Variants in ERP44 observed in about 807,000 individuals in gnomAD.
The protein encoded by ERP44 is endoplasmic reticulum protein 44.
Under a neutral mutation model 53.4 loss-of-function variants are expected in ERP44, and 25 were observed. The ratio of observed to expected loss-of-function variants is 0.47; its 90% CI spans 0.34 to 0.65. The LOEUF (loss-of-function observed/expected upper bound fraction) is 0.65. Among genes scored for constraint, ERP44 ranks in the 30% least tolerant of loss-of-function variants. The pLI is 0.01. For synonymous variants in ERP44, 145 were observed against 161.2 expected (o/e 0.90, Z 0.76); for missense variants, 338 against 493.2 (o/e 0.69, Z 2.98).
chr9:100,028,177 T>C (rs1386344180), intron 4 of ERP44, among the ~76,000 whole-genome samples: 2 of 152,328 alleles, frequency 1.3e-5, no homozygotes, highest in Middle Eastern at 3.4e-3. Flanking sequence ...TATGGGTGCA[T>C]GTGCTACCTA....
intron 1 of ERP44, among the ~76,000 whole-genome samples, chr9:100,067,325 C>A (rs1346459453): frequency 6.6e-6 from 1 of 152,188 alleles, no homozygotes; most frequent in Non-Finnish European, 1.5e-5. Context: ...CCAGTGCCTG[C>A]GACTGCAGGC....
intron 10 of ERP44, among the ~76,000 whole-genome samples, chr9:100,005,399 G>A (rs1407679831): frequency 6.6e-6 from 1 of 152,006 alleles, no homozygotes; most frequent in African/African-American, 2.4e-5. Context: ...AAAAACCCTT[G>A]GTTCTTAGCA....
intron 10 of ERP44, among the ~76,000 whole-genome samples, chr9:99,993,439 T>C (rs920066135): frequency 2.6e-5 from 4 of 152,184 alleles, no homozygotes; most frequent in Admixed American, 6.5e-5. Context: ...TAAATGGTGC[T>C]GGGAAAACTG....
chr9:99,996,895 GTGTATATATATACATATATATATATA>G (rs1391516642), intron 10 of ERP44, among the ~76,000 whole-genome samples: 1 of 19,262 alleles, frequency 5.2e-5, no homozygotes, highest in Non-Finnish European at 7.6e-5. Flanking sequence ...CATCGTGTAT[GTGTATATATATACATATATATATATA>G]TGTATATATA....
In ERP44 at chr9:100,006,664, T is replaced by G; in HGVS notation, c.875-17A>C. The G allele has an allele frequency of 6.5e-7, 1 of 1,529,292 alleles. No homozygotes were observed. Among genetic ancestry groups the G allele is most frequent in the Non-Finnish European group, 8.8e-7 (1 of 1,132,170 alleles). The allele number at this position is 1,529,292 out of a possible 1,614,324, so 94.7% of individuals were successfully genotyped here. A position where few individuals can be genotyped will look rare whatever the true frequency, so the allele number is the denominator to read the frequency against. ...TTATTGTACCTTTAAGAAAAAAGAA[T>G]TTTGAGAGGTAAATTCAAATTTTCT... On this transcript the variant is annotated splice_polypyrimidine_tract_variant and intron_variant, in intron 9 of 11. Coordinates refer to ENST00000262455, the MANE Select transcript of ERP44 (RefSeq NM_015051.3).
At chr9:99,999,428 T>C (rs1830354891) in intron 10 of ERP44, among the ~76,000 whole-genome samples, 1 of 152,250 alleles carries the variant, frequency 6.6e-6, no homozygotes, top group African/African-American at 2.4e-5. Flanking sequence ...CTAATATCTT[T>C]GATGATTAGT....
In ERP44 at chr9:100,006,571, A is replaced by G; in HGVS notation, c.951T>C (p.Asp317=). ...AGCTGTCAATAGCGATTACAGGACAATCTGCTGGAGTTTTCTGTATGTGCA... is the reference window on the plus strand; with the variant it reads ...AGCTGTCAATAGCGATTACAGGACAGTCTGCTGGAGTTTTCTGTATGTGCA... ...PLLHIQKTPA[D]CPVIAIDSFR... The change falls in exon 10 of 12, where the codon GAT becomes GAC. Residue 317 remains aspartate (D), a synonymous_variant. Coordinates refer to ENST00000262455, the MANE Select transcript of ERP44 (RefSeq NM_015051.3). 1 of 1,611,222 alleles carries G rather than the reference A, an allele frequency of 6.2e-7. No individual in the cohort carries two copies. Among genetic ancestry groups the G allele is most frequent in the South Asian group, 1.1e-5 (1 of 90,738 alleles).
Position 100,043,354 on chromosome 9 carries a change from G to A in ERP44, c.286+9063C>T, listed in dbSNP as rs149978426. The stretch of plus-strand genomic sequence containing the variant: ...GACTATAGTAGAAACTAATTTAATT[G>A]TACTTTTAAAAATAACTTAAACCGT... On this transcript the variant is annotated intron_variant, in intron 4 of 11. Coordinates refer to ENST00000262455, the MANE Select transcript of ERP44 (RefSeq NM_015051.3). 8.9e-3 allele frequency among the ~76,000 whole-genome samples: 1,215 copies of A among 136,388 alleles called. 17 individuals are homozygous for A. The highest frequency in any genetic ancestry group is 0.031 in the African/African-American group (1,156 of 37,320). 89.5% of individuals were successfully genotyped at this position (136,388 alleles called of 152,430 possible). A position where few individuals can be genotyped will look rare whatever the true frequency, so the allele number is the denominator to read the frequency against.
At chr9:100,079,143 G>C (rs1826392193) in intron 1 of ERP44, among the ~76,000 whole-genome samples, 2 of 152,142 alleles carry the variant, frequency 1.3e-5, no homozygotes, top group Non-Finnish European at 2.9e-5. Flanking sequence ...GGGAAAGGCA[G>C]ACCCACCCCT....
At chr9:100,002,418 C>T (rs1454792528) in intron 10 of ERP44, among the ~76,000 whole-genome samples, 1 of 152,110 alleles carries the variant, frequency 6.6e-6, no homozygotes, top group Non-Finnish European at 1.5e-5. Context: ...TGAAGAACTC[C>T]CTTTTAGCAT....
At chr9:100,058,265 C>G (rs1276498387) in intron 2 of ERP44, among the ~76,000 whole-genome samples, 1 of 152,084 alleles carries the variant, frequency 6.6e-6, no homozygotes, top group East Asian at 1.9e-4. Flanking sequence ...TTTGTAGAGA[C>G]AGGATCTGGT....
intron 3 of ERP44, 90 bp downstream of exon 3, chr9:100,057,729 AG>A: frequency 6.6e-6 from 6 of 915,034 alleles, no homozygotes; most frequent in Middle Eastern, 2.1e-4. Context: ...GTCTTGAAAT[AG>A]AAAAAGCCTT....
chr9:100,020,099 C>A (rs1270900290), intron 6 of ERP44, among the ~76,000 whole-genome samples: 1 of 152,174 alleles, frequency 6.6e-6, no homozygotes, highest in African/African-American at 2.4e-5. Context: ...CAAGCAGGAA[C>A]AACTGATGGA....
In ERP44 at chr9:100,022,232, A is replaced by G. The variant is rs772530487; in HGVS notation, c.287-6T>C. The G allele has an allele frequency of 6.2e-7, 1 of 1,602,984 alleles. No individual in the cohort carries two copies. The highest frequency in any genetic ancestry group is 1.1e-5 in the South Asian group (1 of 89,108). On this transcript the variant is annotated splice_polypyrimidine_tract_variant and splice_region_variant and intron_variant, in intron 4 of 11. Transcript: ENST00000262455. ...GTATCTCTGGGCTATGTCAGCTAAA[A>G]GAATGAAAAAAAATTATTTACCCTC...
intron 4 of ERP44, among the ~76,000 whole-genome samples, chr9:100,041,290 C>T (rs564013307): frequency 1.8e-5 from 2 of 112,670 alleles, no homozygotes; most frequent in Admixed American, 9.7e-5. Flanking sequence ...AAAGTAATTG[C>T]GGTTTTTTGC....
At chr9:100,046,729 A>C (rs1358195497) in intron 4 of ERP44, among the ~76,000 whole-genome samples, 2 of 152,200 alleles carry the variant, frequency 1.3e-5, no homozygotes, top group African/African-American at 4.8e-5. Flanking sequence ...ACCCCAGTTA[A>C]AATCCCAGTC....
chr9:100,073,722 T>G (rs764979409), intron 1 of ERP44, among the ~76,000 whole-genome samples: 3 of 152,200 alleles, frequency 2.0e-5, no homozygotes, highest in Non-Finnish European at 2.9e-5. Flanking sequence ...TCTACATAGG[T>G]GAGACTACAT....
At chr9:99,999,180 C>A (rs1830351011) in intron 10 of ERP44, 3 of 511,418 alleles carry the variant, frequency 5.9e-6, no homozygotes, top group East Asian at 3.5e-5. Context: ...CTGTCCCCCG[C>A]CCCTCCCCCT....
At chr9:100,052,996 C>T (rs781580614) in intron 3 of ERP44, among the ~76,000 whole-genome samples, 27 of 152,084 alleles carry the variant, frequency 1.8e-4, no homozygotes, top group Admixed American at 1.3e-4. Flanking sequence ...GAGCTCACTG[C>T]ACCCTCCACC....
Sources: gnomAD v4.1 joint callset for allele counts (sites outside exome capture counted in the v4.1 genomes callset) on GRCh38, gnomAD v4.1.1 for gene constraint, MANE v1.5 for transcripts, NCBI Gene and HGNC (gene_info 2026-07-23, HGNC 2026-07-21) for gene names.